AFF4: variants seen among roughly 807,000 people sequenced by gnomAD.
The protein encoded by AFF4 is AF4/FMR2 family member 4.
Under a neutral mutation model 124.8 loss-of-function variants are expected in AFF4, and 13 were observed. That is an observed-to-expected ratio of 0.10 (90% CI 0.07 to 0.17). The LOEUF (loss-of-function observed/expected upper bound fraction) is 0.17. Ranked by LOEUF, AFF4 falls within the 10% of genes least tolerant of loss-of-function variation. AFF4 has a pLI of 1.00. For missense variants in AFF4, 1,092 were observed against 1,403.8 expected (o/e 0.78, Z 3.55); for synonymous variants, 477 against 496.1 (o/e 0.96, Z 0.51).
chr5:132,937,971 C>A (rs1370550744), intron 1 of AFF4, among the ~76,000 whole-genome samples: 1 of 152,026 alleles, frequency 6.6e-6, no homozygotes, highest in Non-Finnish European at 1.5e-5. Flanking sequence ...AGAAATACAG[C>A]CAATTTATAG....
At chr5:132,905,726 T>C (rs1760658277) in intron 5 of AFF4, among the ~76,000 whole-genome samples, 1 of 152,144 alleles carries the variant, frequency 6.6e-6, no homozygotes, top group Non-Finnish European at 1.5e-5. Flanking sequence ...CTATAAAATC[T>C]TTAGAAAAAA....
chr5:132,893,404 G>T (rs1345403500), intron 11 of AFF4, among the ~76,000 whole-genome samples: 1 of 152,092 alleles, frequency 6.6e-6, no homozygotes, highest in Non-Finnish European at 1.5e-5. Context: ...TTATAATTAA[G>T]ATATAATTTA....
chr5:132,910,108 C>T (rs1260258460), intron 5 of AFF4, among the ~76,000 whole-genome samples: 4 of 152,224 alleles, frequency 2.6e-5, no homozygotes, highest in Non-Finnish European at 5.9e-5. Context: ...TCTTGTTTCA[C>T]ACTTCCTTAT....
rs75125850 is a variant in AFF4 at position 132,958,359 on chromosome 5, G to A, written c.-5+4900C>T. Among the ~76,000 whole-genome samples, 90 of 151,474 alleles carry A rather than the reference G, an allele frequency of 5.9e-4. 1 individual carries two copies. In the East Asian group the frequency reaches 0.013, roughly 22 times the overall value. ...TGCACACCTGTAGTCCCAGCTACTC[G>A]GGAGGCTGAGTTATGAAAATTGCTT... is the stretch of plus-strand genomic sequence containing the variant. On this transcript the variant is annotated intron_variant, in intron 1 of 20. Coordinates refer to ENST00000265343, the MANE Select transcript of AFF4 (RefSeq NM_014423.4).
chr5:132,934,095 G>C, intron 3 of AFF4, 52 bp downstream of exon 3: 1 of 1,537,540 alleles, frequency 6.5e-7, no homozygotes. Flanking sequence ...TTCATGATCA[G>C]TCAATTGCTT....
intron 5 of AFF4, among the ~76,000 whole-genome samples, chr5:132,912,745 A>G (rs1483031584): frequency 6.6e-6 from 1 of 152,158 alleles, no homozygotes; most frequent in Non-Finnish European, 1.5e-5. Context: ...ATAAACAACA[A>G]TCATACAGAT....
chr5:132,936,429 T>C (rs919568970), intron 2 of AFF4, among the ~76,000 whole-genome samples: 1 of 152,160 alleles, frequency 6.6e-6, no homozygotes, highest in African/African-American at 2.4e-5. Flanking sequence ...CCCAAATGAC[T>C]GTCTATAACA....
chr5:132,957,606 G>A (rs1468126655), intron 1 of AFF4, among the ~76,000 whole-genome samples: 1 of 151,930 alleles, frequency 6.6e-6, no homozygotes, highest in East Asian at 1.9e-4. Context: ...GGTGGCAGGC[G>A]CCTGTAGACC....
intron 14 of AFF4, 81 bp from the exon 15 acceptor site, chr5:132,888,241 GT>G (rs1561480359): frequency 2.9e-6 from 3 of 1,027,010 alleles, no homozygotes; most frequent in African/African-American, 3.3e-5. Flanking sequence ...GTATCCCTCA[GT>G]TTTTATGTCC....
rs1041897300 is a variant in AFF4 at position 132,879,429 on chromosome 5, A to T, written c.*1630T>A. ...AGAGGGACAAACTATTTTTCAAAGC[A>T]GCATTACCCAACTGGTTAGACTAAG... On this transcript the variant is annotated 3_prime_UTR_variant, in exon 21 of 21. Coordinates refer to ENST00000265343, the MANE Select transcript of AFF4 (RefSeq NM_014423.4). The T allele has an allele frequency of 9.7e-6, 2 of 205,364 alleles. No individual in the cohort carries two copies. The highest frequency in any genetic ancestry group is 2.0e-5 in the Non-Finnish European group (2 of 100,248). The allele number at this position is 205,364 out of a possible 1,614,324, so 12.7% of individuals were successfully genotyped here. A position where few individuals can be genotyped will look rare whatever the true frequency, so the allele number is the denominator to read the frequency against.
chr5:132,899,079 A>G lies in AFF4; in HGVS notation c.1226+25T>C, dbSNP rs868501190. 8 of 1,608,936 alleles carry G rather than the reference A, an allele frequency of 5.0e-6. No individual in the cohort carries two copies. In the Middle Eastern group the frequency reaches 1.3e-3, roughly 266 times the overall value. On this transcript the variant is annotated intron_variant, in intron 9 of 20. Coordinates refer to ENST00000265343, the MANE Select transcript of AFF4 (RefSeq NM_014423.4). ...CAGGCTGACCCAACTCTTACCAATAAAACAGAAAAGAAAAGGATGCCCACC... is the reference window on the plus strand; with the variant it reads ...CAGGCTGACCCAACTCTTACCAATAGAACAGAAAAGAAAAGGATGCCCACC...
At chr5:132,889,541 ATATT>A (rs1338976904) in intron 13 of AFF4, among the ~76,000 whole-genome samples, 1 of 152,212 alleles carries the variant, frequency 6.6e-6, no homozygotes, top group African/African-American at 2.4e-5. Context: ...ATAGCATCTA[ATATT>A]TATTATGTGC....
chr5:132,953,230 T>A lies in AFF4; in HGVS notation c.-5+10029A>T, dbSNP rs145026961. Among the ~76,000 whole-genome samples the A allele has an allele frequency of 4.3e-3, 649 of 152,136 alleles. 4 individuals carry two copies. Among genetic ancestry groups the A allele is most frequent in the African/African-American group, 0.015 (632 of 41,504 alleles). ...GGCTTCAAAACTAAGAAATCTCTGT[T>A]TTTTTTAATTTCGATTTTTTATTTT... On this transcript the variant is annotated intron_variant, in intron 1 of 20. Transcript: ENST00000265343.
At chr5:132,915,297 C>A (rs531342187) in intron 5 of AFF4, among the ~76,000 whole-genome samples, 2 of 151,956 alleles carry the variant, frequency 1.3e-5, no homozygotes, top group East Asian at 3.9e-4. Context: ...GCCGAGATCA[C>A]ACCACTGCAC....
At chr5:132,909,542 G>A (rs1302455729) in intron 5 of AFF4, among the ~76,000 whole-genome samples, 1 of 152,188 alleles carries the variant, frequency 6.6e-6, no homozygotes, top group South Asian at 2.1e-4. Flanking sequence ...GTGTGCGTGT[G>A]TGTGTGTGTA....
intron 1 of AFF4, among the ~76,000 whole-genome samples, chr5:132,949,829 T>A (rs1415311274): frequency 1.5e-5 from 2 of 134,496 alleles, no homozygotes; most frequent in African/African-American, 5.8e-5. Context: ...GCCACTGCAC[T>A]AGAGCGAGAC....
chr5:132,928,605 CCT>C (rs1761233951), intron 4 of AFF4, among the ~76,000 whole-genome samples: 2 of 152,170 alleles, frequency 1.3e-5, no homozygotes, highest in Admixed American at 1.3e-4. Flanking sequence ...TTTCAGAGAG[CCT>C]CTGTTATTTA....
intron 20 of AFF4, among the ~76,000 whole-genome samples, chr5:132,882,802 C>T (rs999413052): frequency 6.9e-6 from 1 of 145,576 alleles, no homozygotes; most frequent in Non-Finnish European, 1.5e-5. Flanking sequence ...TGCAGTGAGT[C>T]GAGATCGTGC....
intron 5 of AFF4, among the ~76,000 whole-genome samples, chr5:132,906,233 A>G (rs1760668942): frequency 6.6e-6 from 1 of 152,240 alleles, no homozygotes; most frequent in African/African-American, 2.4e-5. Flanking sequence ...GAGTTACCAC[A>G]TGACCCAGCC....
Sources: gnomAD v4.1 joint callset for allele counts (sites outside exome capture counted in the v4.1 genomes callset) on GRCh38, gnomAD v4.1.1 for gene constraint, MANE v1.5 for transcripts, NCBI Gene and HGNC (gene_info 2026-07-23, HGNC 2026-07-21) for gene names.